RYR2: variants seen among roughly 807,000 people sequenced by gnomAD.
RYR2 encodes the protein ryanodine receptor 2.
In RYR2, 227 loss-of-function variants were observed where a neutral mutation model predicts 601.1. The observed-to-expected ratio is 0.38, with a 90% CI of 0.34 to 0.42. The LOEUF is 0.42. Ranked by LOEUF, RYR2 falls within the 10% of genes least tolerant of loss-of-function variation. RYR2 has a pLI of 1.00. For missense variants in RYR2, 4,646 were observed against 6,156.5 expected, an observed-to-expected ratio of 0.75 and a Z score of 8.21; for synonymous variants, 2,223 against 2,175.1, an observed-to-expected ratio of 1.02 and a Z score of -0.61.
intron 17 of RYR2, among the ~76,000 whole-genome samples, chr1:237,471,508 A>T (rs961630603): frequency 3.9e-5 from 6 of 152,214 alleles, no homozygotes; most frequent in African/African-American, 1.4e-4. Flanking sequence ...GAAGACATTT[A>T]AAAAATGCTC....
At chr1:237,734,335 A>T (rs2149177500) in intron 79 of RYR2, among the ~76,000 whole-genome samples, 1 of 152,294 alleles carries the variant, frequency 6.6e-6, no homozygotes, top group Non-Finnish European at 1.5e-5. Flanking sequence ...AAACACTGTT[A>T]AACCATCATA....
Position 237,634,989 on chromosome 1 carries a change from A to G in RYR2, c.6789A>G (p.Glu2263=). ...LALALREPDL[E]KVVRYLAGCG... ...TAGCTCTGCGTGAGCCGGATCTAGA[A>G]AAGGTGAGCAATGTTCCTGCCCTGT... is the stretch of plus-strand genomic sequence containing the variant. Residue 2263 remains glutamate (E), a synonymous_variant, in exon 44 of 105, where the codon GAA becomes GAG. Transcript: ENST00000366574. 1.3e-6 allele frequency: 2 copies of G among 1,584,228 alleles called. No individual in the cohort carries two copies. Among genetic ancestry groups the G allele is most frequent in the South Asian group, 2.3e-5 (2 of 85,774 alleles).
intron 84 of RYR2, among the ~76,000 whole-genome samples, chr1:237,768,452 A>G (rs1016353617): frequency 6.6e-6 from 1 of 152,142 alleles, no homozygotes. Flanking sequence ...ATATTGAAAT[A>G]CCTCTCCCTT....
At chr1:237,161,357 GAA>G (rs11302666) in intron 1 of RYR2, among the ~76,000 whole-genome samples, 3 of 150,904 alleles carry the variant, frequency 2.0e-5, no homozygotes, top group African/African-American at 4.9e-5. Flanking sequence ...AATTTTGGGG[GAA>G]AAAAAAAGAA....
intron 58 of RYR2, among the ~76,000 whole-genome samples, chr1:237,672,519 G>A (rs1194427419): frequency 6.6e-6 from 1 of 152,084 alleles, no homozygotes; most frequent in Non-Finnish European, 1.5e-5. Flanking sequence ...TGTGATATTT[G>A]CATACATGTA....
intron 27 of RYR2, among the ~76,000 whole-genome samples, chr1:237,559,526 A>G (rs1671243480): frequency 6.6e-6 from 1 of 152,180 alleles, no homozygotes; most frequent in Non-Finnish European, 1.5e-5. Context: ...GATTACAGGC[A>G]TGAGACGCTG....
intron 2 of RYR2, among the ~76,000 whole-genome samples, chr1:237,330,385 T>TTTG (rs964754426): frequency 2.2e-4 from 34 of 152,296 alleles, no homozygotes; most frequent in African/African-American, 7.9e-4. Context: ...TATCTGTGTT[T>TTTG]TTGTTGTTGT....
intron 62 of RYR2, among the ~76,000 whole-genome samples, chr1:237,684,087 C>T (rs1686142691): frequency 6.6e-6 from 1 of 151,200 alleles, no homozygotes; most frequent in East Asian, 1.9e-4. Context: ...ACCACCATGC[C>T]CGGCTAATTT....
chr1:237,336,183 T>A (rs1221485990), intron 3 of RYR2, among the ~76,000 whole-genome samples: 1 of 152,182 alleles, frequency 6.6e-6, no homozygotes, highest in East Asian at 1.9e-4. Flanking sequence ...TTACATTTTC[T>A]TGGCACTTTT....
chr1:237,435,363 A>G (rs1227738407), intron 12 of RYR2, among the ~76,000 whole-genome samples: 3 of 152,240 alleles, frequency 2.0e-5, no homozygotes, highest in Non-Finnish European at 4.4e-5. Flanking sequence ...AAACTTAACT[A>G]CATAGTAAGA....
chr1:237,309,919 G>A (rs906930110), intron 2 of RYR2, among the ~76,000 whole-genome samples: 7 of 152,178 alleles, frequency 4.6e-5, no homozygotes, highest in Non-Finnish European at 7.3e-5. Flanking sequence ...CAGCCACTCC[G>A]AGTGCGGGAC....
chr1:237,326,364 C>T (rs371732549), intron 2 of RYR2, among the ~76,000 whole-genome samples: 5 of 152,048 alleles, frequency 3.3e-5, no homozygotes, highest in South Asian at 4.1e-4. Context: ...CTGATAAAAT[C>T]GGTGTTGTCT....
At chr1:237,672,643 T>C (rs6666319) in intron 58 of RYR2, among the ~76,000 whole-genome samples, 3,628 of 152,282 alleles carry the variant, frequency 0.024, 157 homozygotes, top group African/African-American at 0.083. Flanking sequence ...TGAAAATATA[T>C]AATAAATTGT....
intron 1 of RYR2, among the ~76,000 whole-genome samples, chr1:237,070,600 G>T (rs1033638256): frequency 6.6e-6 from 1 of 152,094 alleles, no homozygotes; most frequent in Non-Finnish European, 1.5e-5. Context: ...CACATGGCCC[G>T]GCAGGCTGTG....
At chr1:237,647,870 C>T (rs946788063) in intron 48 of RYR2, among the ~76,000 whole-genome samples, 2 of 152,142 alleles carry the variant, frequency 1.3e-5, no homozygotes, top group African/African-American at 4.8e-5. Context: ...TCTCTATAGG[C>T]ATAAAGCTTT....
At chr1:237,672,296 T>C (rs1348999448) in intron 58 of RYR2, among the ~76,000 whole-genome samples, 1 of 152,194 alleles carries the variant, frequency 6.6e-6, no homozygotes. Flanking sequence ...CTCTCCCCAC[T>C]TCCCCCACAG....
intron 24 of RYR2, among the ~76,000 whole-genome samples, chr1:237,519,772 G>C (rs1175232147): frequency 6.6e-6 from 1 of 151,958 alleles, no homozygotes; most frequent in East Asian, 1.9e-4. Context: ...ACTCTTTCTT[G>C]TTCCATTTGA....
intron 100 of RYR2, among the ~76,000 whole-genome samples, chr1:237,811,861 C>T (rs1661291661): frequency 6.6e-6 from 1 of 152,136 alleles, no homozygotes. Flanking sequence ...TGCTAGTGAC[C>T]TACTTGGAGG....
intron 1 of RYR2, 32 bp downstream of exon 1, chr1:237,042,601 G>T: frequency 1.6e-6 from 2 of 1,254,054 alleles, no homozygotes; most frequent in Non-Finnish European, 2.0e-6. Flanking sequence ...TGCTGTCAGG[G>T]GAAGGGGGCG....
Sources: allele counts gnomAD v4.1 joint callset (sites outside exome capture counted in the v4.1 genomes callset), GRCh38; gene constraint gnomAD v4.1.1; transcripts MANE v1.5; gene names NCBI Gene and HGNC (gene_info 2026-07-23, HGNC 2026-07-21).